RANBP2: variants seen among roughly 807,000 people sequenced by gnomAD.
RANBP2 encodes E3 SUMO-protein ligase RanBP2.
In RANBP2, 57 loss-of-function variants were observed where a neutral mutation model predicts 303.6. The observed-to-expected ratio is 0.19, with a 90% confidence interval of 0.15 to 0.23. The LOEUF (loss-of-function observed/expected upper bound fraction) is 0.23, where lower values mean the gene tolerates loss of function less well. RANBP2 is among the 10% of genes least tolerant of loss of function. The probability of loss-of-function intolerance (pLI) is 1.00; values close to 1 mark genes in which losing one functional copy is unlikely to be tolerated. For missense variants in RANBP2, 3,138 were observed against 3,780.8 expected (o/e 0.83, Z 4.46); for synonymous variants, 1,167 against 1,301.5 (o/e 0.90, Z 2.23).
chr2:109,405,567 C>T, the RANBP2 span, among the ~76,000 whole-genome samples: 1 of 152,228 alleles, frequency 6.6e-6, no homozygotes, highest in Admixed American at 6.5e-5. Flanking sequence ...CCCACCTGCC[C>T]ATGTCCCTTT....
chr2:109,032,652 C>T, the RANBP2 span, among the ~76,000 whole-genome samples: 1 of 152,170 alleles, frequency 6.6e-6, no homozygotes, highest in Non-Finnish European at 1.5e-5. Context: ...GATGTGTCTT[C>T]TGGGATTTCA....
the RANBP2 span, among the ~76,000 whole-genome samples, chr2:108,811,247 C>CTCTTTTTTTTTTTTTT: frequency 3.1e-4 from 35 of 113,872 alleles, no homozygotes; most frequent in Admixed American, 4.9e-4. Flanking sequence ...TTCTCTCTCT[C>CTCTTTTTTTTTTTTTT]TTTTTTTTTT....
chr2:109,534,497 C>A, the RANBP2 span, among the ~76,000 whole-genome samples: 1 of 152,264 alleles, frequency 6.6e-6, no homozygotes, highest in East Asian at 1.9e-4. Flanking sequence ...TGTTTAGGAA[C>A]GGCTGGACAC....
the RANBP2 span, among the ~76,000 whole-genome samples, chr2:109,529,166 G>A: frequency 6.6e-6 from 1 of 152,180 alleles, no homozygotes; most frequent in Non-Finnish European, 1.5e-5. Flanking sequence ...TGATGGTGGC[G>A]GGTCCTGGAT....
At chr2:109,133,390 G>A in the RANBP2 span, among the ~76,000 whole-genome samples, 1,451 of 152,232 alleles carry the variant, frequency 9.5e-3, 36 homozygotes, top group African/African-American at 0.033. Flanking sequence ...AATTTAAGTT[G>A]GAGAATCATA....
chr2:108,737,010 A>T (rs1179261867), intron 6 of RANBP2, among the ~76,000 whole-genome samples: 2 of 139,702 alleles, frequency 1.4e-5, no homozygotes, highest in Non-Finnish European at 3.1e-5. Context: ...TCCTTTTTGT[A>T]GAAAAAGTTT....
At chr2:109,361,419 AC>A in the RANBP2 span, among the ~76,000 whole-genome samples, 4 of 152,208 alleles carry the variant, frequency 2.6e-5, no homozygotes, top group African/African-American at 9.6e-5. Flanking sequence ...GGTAGAATTC[AC>A]TAGTGAACCT....
the RANBP2 span, among the ~76,000 whole-genome samples, chr2:109,238,888 C>T: frequency 2.2e-4 from 34 of 152,292 alleles, no homozygotes; most frequent in African/African-American, 8.2e-4. Context: ...GATACAGCTC[C>T]ACTGTGGTCA....
the RANBP2 span, among the ~76,000 whole-genome samples, chr2:108,799,156 C>G: frequency 6.6e-6 from 1 of 152,056 alleles, no homozygotes; most frequent in Non-Finnish European, 1.5e-5. Flanking sequence ...TCAACCTCAC[C>G]ATCTTTGAAG....
At chr2:109,349,019 T>TTC in the RANBP2 span, among the ~76,000 whole-genome samples, 112 of 150,900 alleles carry the variant, frequency 7.4e-4, no homozygotes, top group African/African-American at 1.5e-3. Context: ...GTGTCAGTAT[T>TTC]TCTCTCTCTC....
At chr2:109,421,378 C>T in the RANBP2 span, among the ~76,000 whole-genome samples, 25 of 152,366 alleles carry the variant, frequency 1.6e-4, no homozygotes, top group Non-Finnish European at 1.5e-5. Context: ...GCCTCCCCTT[C>T]CTGGGTGCAG....
chr2:109,643,562 C>G, the RANBP2 span, among the ~76,000 whole-genome samples: 1 of 151,438 alleles, frequency 6.6e-6, no homozygotes, highest in Admixed American at 6.6e-5. Context: ...GAGTTTCAGA[C>G]CAGCCTGGCC....
the RANBP2 span, among the ~76,000 whole-genome samples, chr2:109,578,350 A>G: frequency 3.9e-5 from 6 of 152,200 alleles, no homozygotes; most frequent in Admixed American, 3.9e-4. Flanking sequence ...ACTACACCAA[A>G]CATACATAGG....
the RANBP2 span, among the ~76,000 whole-genome samples, chr2:109,584,790 A>G: frequency 6.6e-6 from 1 of 151,912 alleles, no homozygotes; most frequent in South Asian, 2.1e-4. Context: ...TATGTCTTGT[A>G]TTTTTTTTCT....
At chr2:108,821,067 A>G in the RANBP2 span, among the ~76,000 whole-genome samples, 1 of 152,178 alleles carries the variant, frequency 6.6e-6, no homozygotes, top group Non-Finnish European at 1.5e-5. Context: ...ATATAAAGAT[A>G]TAATTTGTGG....
chr2:108,870,814 G>A, the RANBP2 span, among the ~76,000 whole-genome samples: 1 of 152,220 alleles, frequency 6.6e-6, no homozygotes, highest in African/African-American at 2.4e-5. Context: ...TGTTGGGGAA[G>A]AGGGAAATGG....
At chr2:108,783,076 T>C (rs1433952631) in intron 28 of RANBP2, among the ~76,000 whole-genome samples, 1 of 152,066 alleles carries the variant, frequency 6.6e-6, no homozygotes, top group Non-Finnish European at 1.5e-5. Context: ...CAATGACTCA[T>C]ACCTGTAATT....
the RANBP2 span, among the ~76,000 whole-genome samples, chr2:109,724,116 C>T: frequency 2.3e-3 from 349 of 152,140 alleles, 14 homozygotes; most frequent in South Asian, 0.058. Context: ...TATTTTGTTC[C>T]ATTGGTCTAT....
the RANBP2 span, among the ~76,000 whole-genome samples, chr2:109,364,071 C>T: frequency 6.6e-6 from 1 of 151,716 alleles, no homozygotes; most frequent in Non-Finnish European, 1.5e-5. Flanking sequence ...TATCTTTCTT[C>T]TCCTTCTAGT....
Sources: gnomAD v4.1 joint callset for allele counts (sites outside exome capture counted in the v4.1 genomes callset) on GRCh38, gnomAD v4.1.1 for gene constraint, MANE v1.5 for transcripts, NCBI Gene and HGNC (gene_info 2026-07-23, HGNC 2026-07-21) for gene names.